The following NEK5 variants were observed in gnomAD, a reference collection of about 807,000 sequenced individuals.
NEK5 encodes the protein serine/threonine-protein kinase Nek5.
NEK5 carries 88 observed loss-of-function variants against 109.2 expected under a neutral mutation model. The ratio of observed to expected loss-of-function variants is 0.81; its 90% CI spans 0.68 to 0.96. The LOEUF is 0.96. Ranked by LOEUF, NEK5 falls within the 40% of genes least tolerant of loss-of-function variation. The pLI is 0.00. For missense variants in NEK5, 834 were observed against 920.7 expected, an observed-to-expected ratio of 0.91 and a Z score of 1.22; for synonymous variants, 283 against 299.9, an observed-to-expected ratio of 0.94 and a Z score of 0.58.
At chr13:52,045,199 G>A (rs1442173267) in intron 23 of NEK5, among the ~76,000 whole-genome samples, 2 of 134,378 alleles carry the variant, frequency 1.5e-5, no homozygotes, top group East Asian at 2.2e-4. Flanking sequence ...GTGTGATCTC[G>A]GCTCACTGCA....
At chr13:52,038,903 ATTAT>A (rs1954391173) in intron 23 of NEK5, among the ~76,000 whole-genome samples, 1 of 151,302 alleles carries the variant, frequency 6.6e-6, no homozygotes. Flanking sequence ...AAGGAATGGT[ATTAT>A]TTAGAGAACA....
chr13:52,058,430 T>C (rs1364333613), intron 22 of NEK5, among the ~76,000 whole-genome samples: 1 of 148,598 alleles, frequency 6.7e-6, no homozygotes, highest in East Asian at 2.0e-4. Flanking sequence ...AATGACTTTC[T>C]TCACAGAATT....
intron 8 of NEK5, among the ~76,000 whole-genome samples, chr13:52,105,868 A>AT (rs201864220): frequency 1.3e-3 from 194 of 151,490 alleles, no homozygotes; most frequent in African/African-American, 4.4e-3. Flanking sequence ...TCAATATTTA[A>AT]TTTTTTTTTG....
At chr13:52,121,530 G>T (rs1414157311) in intron 3 of NEK5, among the ~76,000 whole-genome samples, 1 of 152,162 alleles carries the variant, frequency 6.6e-6, no homozygotes, top group Non-Finnish European at 1.5e-5. Flanking sequence ...TCATACAAAA[G>T]ACTTTGTTAC....
At position 52,053,030 on chromosome 13, in the gene NEK5, G is replaced by C. The variant is rs1954521718; in HGVS notation, c.2111-2809C>G. On this transcript the variant is annotated intron_variant, in intron 22 of 23. Transcript: ENST00000684899. The stretch of plus-strand genomic sequence containing the variant: ...GACATGGTGGCTCAGGCTGGGTGCA[G>C]TGGCTCACACCTGTAATCCCAGTAC... Among the ~76,000 whole-genome samples the C allele has an allele frequency of 2.0e-5, 3 of 152,220 alleles. No homozygotes were observed. In the South Asian group the frequency reaches 6.2e-4, roughly 32 times the overall value.
chr13:52,066,010 GA>G (rs1954685061), intron 20 of NEK5, among the ~76,000 whole-genome samples: 1 of 101,116 alleles, frequency 9.9e-6, no homozygotes, highest in Non-Finnish European at 2.7e-5. Context: ...CAGGTAGGTA[GA>G]AGAAAAAAAA....
intron 3 of NEK5, among the ~76,000 whole-genome samples, chr13:52,122,144 T>C (rs1021072401): frequency 6.6e-6 from 1 of 152,172 alleles, no homozygotes; most frequent in African/African-American, 2.4e-5. Context: ...TGTAGTATCA[T>C]GGAAAGAGCA....
chr13:52,080,109 AC>A lies in NEK5; in HGVS notation c.1572+3150del, dbSNP rs1314374730. Among the ~76,000 whole-genome samples, 16 of 85,464 alleles carry A rather than the reference AC, an allele frequency of 1.9e-4. No individual in the cohort carries two copies. The Admixed American group carries it at 2.0e-3, about 10-fold the overall frequency. 56.1% of individuals were successfully genotyped at this position (85,464 alleles called of 152,430 possible). On this transcript the variant is annotated intron_variant, in intron 17 of 23. Coordinates refer to ENST00000684899, the MANE Select transcript of NEK5 (RefSeq NM_001365552.1). ...TGAGGAGCCTATCCGCCCGGCAGCC[AC>A]CCCGTCTGGGAGGTGAGGAGCGTCT...
chr13:52,095,363 G>A (rs1955384689), intron 12 of NEK5, among the ~76,000 whole-genome samples: 1 of 152,132 alleles, frequency 6.6e-6, no homozygotes, highest in Non-Finnish European at 1.5e-5. Context: ...GTATTGAAAG[G>A]CAATAAACAT....
chr13:52,100,278 T>G (rs75535791), intron 11 of NEK5, among the ~76,000 whole-genome samples: 1 of 152,026 alleles, frequency 6.6e-6, no homozygotes, highest in Non-Finnish European at 1.5e-5. Flanking sequence ...CTTTTTTTTT[T>G]GTTGAGACAG....
Position 52,035,244 on chromosome 13 carries a change from G to A in NEK5, c.*1704C>T, listed in dbSNP as rs1268127595. 6.6e-6 allele frequency: 1 copy of A among 151,846 alleles called. No homozygotes were observed. The highest frequency in any genetic ancestry group is 1.9e-4 in the East Asian group (1 of 5,198). 9.4% of individuals were successfully genotyped at this position (151,846 alleles called of 1,614,324 possible). On this transcript the variant is annotated 3_prime_UTR_variant, in exon 24 of 24. Transcript: ENST00000684899. Reference sequence around the variant, plus strand: ...TGAAAGAACAGTCTGTCAAACATCAGGAAATAGTCACAAAAAACTGGATGT... The same window carrying A: ...TGAAAGAACAGTCTGTCAAACATCAAGAAATAGTCACAAAAAACTGGATGT...
intron 22 of NEK5, among the ~76,000 whole-genome samples, chr13:52,053,937 C>A (rs1360930118): frequency 6.6e-6 from 1 of 152,156 alleles, no homozygotes; most frequent in Non-Finnish European, 1.5e-5. Flanking sequence ...GGCAGCTGAA[C>A]TTGTGTTTTG....
intron 3 of NEK5, among the ~76,000 whole-genome samples, chr13:52,125,847 C>A (rs549289419): frequency 2.9e-4 from 44 of 152,134 alleles, no homozygotes; most frequent in African/African-American, 9.9e-4. Flanking sequence ...GAAGCTATTG[C>A]GGGCCACTAG....
At chr13:52,055,754 A>T (rs1240285876) in intron 22 of NEK5, among the ~76,000 whole-genome samples, 1 of 152,114 alleles carries the variant, frequency 6.6e-6, no homozygotes, top group Non-Finnish European at 1.5e-5. Context: ...ATGCTGAGAG[A>T]TTTTGTCACC....
At chr13:52,074,655 T>G (rs1395927555) in intron 19 of NEK5, among the ~76,000 whole-genome samples, 1 of 152,100 alleles carries the variant, frequency 6.6e-6, no homozygotes, top group Non-Finnish European at 1.5e-5. Context: ...CTAAGGAGCT[T>G]CTGCACAGCA....
At chr13:52,125,688 A>T (rs1795105186) in intron 3 of NEK5, among the ~76,000 whole-genome samples, 1 of 152,196 alleles carries the variant, frequency 6.6e-6, no homozygotes, top group Non-Finnish European at 1.5e-5. Context: ...GTAAACACTG[A>T]AGTGGGGCAG....
intron 9 of NEK5, 64 bp from the exon 10 acceptor site, chr13:52,102,356 A>T (rs1212486369): frequency 1.6e-6 from 2 of 1,249,800 alleles, no homozygotes; most frequent in East Asian, 2.3e-5. Flanking sequence ...AAATAATAAA[A>T]GTGTTAAAGT....
At chr13:52,111,558 A>G (rs1955759582) in intron 5 of NEK5, among the ~76,000 whole-genome samples, 1 of 152,186 alleles carries the variant, frequency 6.6e-6, no homozygotes, top group African/African-American at 2.4e-5. Context: ...ATGCTCTTAC[A>G]TGCTAAAATA....
At chr13:52,100,558 T>C (rs564601903) in intron 11 of NEK5, among the ~76,000 whole-genome samples, 1 of 152,288 alleles carries the variant, frequency 6.6e-6, no homozygotes, top group East Asian at 1.9e-4. Flanking sequence ...GATCTTCTAA[T>C]GCTTGTCTTT....
Sources: gnomAD v4.1 joint callset for allele counts (sites outside exome capture counted in the v4.1 genomes callset) on GRCh38, gnomAD v4.1.1 for gene constraint, MANE v1.5 for transcripts, NCBI Gene and HGNC (gene_info 2026-07-23, HGNC 2026-07-21) for gene names.